The following KIRREL1 variants were observed in gnomAD, a reference collection of about 807,000 sequenced individuals.
KIRREL1 encodes the protein kin of IRRE-like protein 1.
A neutral mutation model predicts 83.3 loss-of-function variants in KIRREL1; 25 were observed. The observed-to-expected ratio is 0.30, with a 90% CI of 0.22 to 0.42. KIRREL1 has a LOEUF of 0.42. KIRREL1 is among the 10% of genes least tolerant of loss of function. The pLI is 1.00. For missense variants in KIRREL1, 812 were observed against 1,032.3 expected (o/e 0.79, Z 2.92); for synonymous variants, 388 against 410.4 (o/e 0.95, Z 0.66).
chr1:158,001,265 G>A (rs1467533819), intron 1 of KIRREL1, among the ~76,000 whole-genome samples: 1 of 152,218 alleles, frequency 6.6e-6, no homozygotes, highest in Non-Finnish European at 1.5e-5. Context: ...GTGTTGCAAA[G>A]TGAATAATGT....
chr1:158,015,897 CTCT>C (rs1659812406), intron 1 of KIRREL1, among the ~76,000 whole-genome samples: 1 of 152,132 alleles, frequency 6.6e-6, no homozygotes, highest in Non-Finnish European at 1.5e-5. Flanking sequence ...CTAGTTTCTT[CTCT>C]TATTTTTAAT....
Position 158,084,546 on chromosome 1 carries a change from C to T in KIRREL1, c.477C>T (p.Asp159=), listed in dbSNP as rs546719871. The change falls in exon 4 of 15, where the codon GAC becomes GAT. Residue 159 remains aspartate (D), a synonymous_variant. Transcript: ENST00000359209. ...CTGCCACCATCATCTGGTTCCGGGA[C>T]GGGACGCAGCAGGAGGGCGCTGTGG... The part of the protein sequence containing the change: ...KPAATIIWFR[D]GTQQEGAVAS... 299 of 1,551,764 alleles carry T rather than the reference C, an allele frequency of 1.9e-4. No homozygotes were observed. The African/African-American group carries it at 2.8e-3, about 15-fold the overall frequency.
chr1:158,095,423 G>T lies in KIRREL1; in HGVS notation c.*303G>T, dbSNP rs1298426420. ...GTGAAGGTTAGGGAAAGCAGAGGGG[G>T]GCACTTTTTAGCATTCCCTTTCTAT... is the stretch of plus-strand genomic sequence containing the variant. On this transcript the variant is annotated 3_prime_UTR_variant, in exon 15 of 15. Transcript: ENST00000359209. 6.4e-6 allele frequency: 2 copies of T among 310,646 alleles called. No homozygotes were observed. The highest frequency in any genetic ancestry group is 1.2e-5 in the Non-Finnish European group (2 of 169,624). 19.2% of individuals were successfully genotyped at this position (310,646 alleles called of 1,614,324 possible).
intron 1 of KIRREL1, among the ~76,000 whole-genome samples, chr1:158,063,866 C>T (rs902259381): frequency 6.6e-6 from 1 of 152,198 alleles, no homozygotes; most frequent in African/African-American, 2.4e-5. Flanking sequence ...GCCGCTGTCG[C>T]ACTGTATGGA....
At chr1:158,018,723 T>TAA (rs1286590263) in intron 1 of KIRREL1, among the ~76,000 whole-genome samples, 2 of 151,382 alleles carry the variant, frequency 1.3e-5, no homozygotes, top group African/African-American at 4.9e-5. Context: ...AGGGGAAGGG[T>TAA]AAAGAGGGGG....
chr1:158,084,587 C>T lies in KIRREL1; in HGVS notation c.510+8C>T. On this transcript the variant is annotated splice_region_variant and intron_variant, in intron 4 of 14. Coordinates refer to ENST00000359209, the MANE Select transcript of KIRREL1 (RefSeq NM_018240.7). ...GGCGCTGTGGCCAGCACGGTGAGCTCCAGCCAGCTCCCCCAGCTCCTCCTG... is the reference window on the plus strand; with the variant it reads ...GGCGCTGTGGCCAGCACGGTGAGCTTCAGCCAGCTCCCCCAGCTCCTCCTG... 1 of 1,551,062 alleles carries T rather than the reference C, an allele frequency of 6.4e-7. No individual in the cohort carries two copies. Among genetic ancestry groups the T allele is most frequent in the Non-Finnish European group, 8.7e-7 (1 of 1,146,598 alleles).
chr1:158,094,787 T>C lies in KIRREL1; in HGVS notation c.1941T>C (p.Tyr647=), dbSNP rs766557225. 1 of 1,614,030 alleles carries C rather than the reference T, an allele frequency of 6.2e-7. No individual in the cohort carries two copies. The highest frequency in any genetic ancestry group is 1.1e-5 in the South Asian group (1 of 91,084). The change falls in exon 15 of 15, where the codon TAT becomes TAC. Residue 647 remains tyrosine, a synonymous_variant. Transcript: ENST00000359209. The surrounding 1 kb of genome is among the most constrained non-coding windows in gnomAD (Gnocchi z 4.6). The part of the protein sequence containing the change: ...PSSRLSHSSG[Y]AQLNTYSRGP... ...CCCGTCTCTCCCACTCCAGCGGCTA[T>C]GCCCAGCTCAACACCTATAGCCGGG...
At chr1:158,029,381 A>G (rs1185605695) in intron 1 of KIRREL1, among the ~76,000 whole-genome samples, 7 of 16,680 alleles carry the variant, frequency 4.2e-4, no homozygotes, top group Non-Finnish European at 9.9e-4. Context: ...GTGCGCGCGC[A>G]TGCACACATG....
Position 158,078,003 on chromosome 1 carries a change from A to C in KIRREL1, c.215A>C (p.Tyr72Ser), listed in dbSNP as rs1233331203. Residue 72 changes from tyrosine (Y) to serine (S), a missense_variant, in exon 3 of 15, where the codon TAC (tyrosine) becomes TCC (serine). This residue lies in a region of KIRREL1 where 472 missense variants were observed against 626.8 expected (regional missense o/e 0.75). Transcript: ENST00000359209. ...MGQGLKAWPR[Y>S]RVVGSADAGQ... ...TCTGTTTCTGCAGCCTGGCCACGGTACCGGGTTGTGGGCTCCGCAGACGCT... is the reference window on the plus strand; with the variant it reads ...TCTGTTTCTGCAGCCTGGCCACGGTCCCGGGTTGTGGGCTCCGCAGACGCT... 1 of 1,613,968 alleles carries C rather than the reference A, an allele frequency of 6.2e-7. No homozygotes were observed. The highest frequency in any genetic ancestry group is 8.5e-7 in the Non-Finnish European group (1 of 1,180,018).
chr1:158,054,268 T>C (rs1024513910), intron 1 of KIRREL1, among the ~76,000 whole-genome samples: 2 of 148,320 alleles, frequency 1.3e-5, no homozygotes, highest in African/African-American at 2.5e-5. Context: ...GGGGATGGGT[T>C]GAGACTGAGG....
intron 1 of KIRREL1, among the ~76,000 whole-genome samples, chr1:158,055,193 C>T (rs1293360967): frequency 6.6e-6 from 1 of 151,890 alleles, no homozygotes; most frequent in Non-Finnish European, 1.5e-5. Flanking sequence ...TCTTGGCCCA[C>T]CTGAAGAAGG....
intron 1 of KIRREL1, among the ~76,000 whole-genome samples, chr1:158,057,606 G>C (rs1452054706): frequency 6.6e-6 from 1 of 152,112 alleles, no homozygotes; most frequent in Non-Finnish European, 1.5e-5. Context: ...GATGATCTGA[G>C]GAAAAGAAAA....
chr1:157,999,134 T>G (rs1442817253), intron 1 of KIRREL1, among the ~76,000 whole-genome samples: 1 of 152,148 alleles, frequency 6.6e-6, no homozygotes, highest in Non-Finnish European at 1.5e-5. Context: ...GGTGCCTCAC[T>G]CAGCTCAGCC....
At chr1:158,008,667 A>G (rs565726037) in intron 1 of KIRREL1, among the ~76,000 whole-genome samples, 1 of 152,144 alleles carries the variant, frequency 6.6e-6, no homozygotes, top group African/African-American at 2.4e-5. Context: ...ACTCAGTAGT[A>G]GGATCAGATG....
At chr1:158,050,879 A>G (rs911790749) in intron 1 of KIRREL1, among the ~76,000 whole-genome samples, 2 of 152,134 alleles carry the variant, frequency 1.3e-5, no homozygotes, top group Non-Finnish European at 2.9e-5. Flanking sequence ...GCAGTCAGAT[A>G]TTTGCTCTAA....
intron 1 of KIRREL1, among the ~76,000 whole-genome samples, chr1:157,997,465 T>TGG (rs979176218): frequency 2.9e-4 from 30 of 102,220 alleles, no homozygotes; most frequent in East Asian, 1.3e-3. Flanking sequence ...TGATTCTTTG[T>TGG]GGGGTGTGTG....
Position 158,095,607 on chromosome 1 carries a change from G to A in KIRREL1, c.*487G>A, listed in dbSNP as rs1272500113. On this transcript the variant is annotated 3_prime_UTR_variant, in exon 15 of 15. Coordinates refer to ENST00000359209, the MANE Select transcript of KIRREL1 (RefSeq NM_018240.7). ...CTCTGTTGTCTGCATTCGTGCCCTGGGTGCCTCTCTCCTTCCTCAGGGTAC... is the reference window on the plus strand; with the variant it reads ...CTCTGTTGTCTGCATTCGTGCCCTGAGTGCCTCTCTCCTTCCTCAGGGTAC... 2 of 154,580 alleles carry A rather than the reference G, an allele frequency of 1.3e-5. No individual in the cohort carries two copies. The highest frequency in any genetic ancestry group is 2.4e-5 in the African/African-American group (1 of 41,472). 9.6% of individuals were successfully genotyped at this position (154,580 alleles called of 1,614,324 possible).
At chr1:158,049,223 A>G (rs774079816) in intron 1 of KIRREL1, among the ~76,000 whole-genome samples, 2 of 152,246 alleles carry the variant, frequency 1.3e-5, no homozygotes, top group Non-Finnish European at 2.9e-5. Context: ...AATGAATTTA[A>G]AAAGTAGTGC....
chr1:158,033,878 C>T (rs911888099), intron 1 of KIRREL1, among the ~76,000 whole-genome samples: 1 of 151,858 alleles, frequency 6.6e-6, no homozygotes, highest in Non-Finnish European at 1.5e-5. Flanking sequence ...TACTGGGGGG[C>T]TGAGGCAGGA....
Sources: gnomAD v4.1 joint callset for allele counts (sites outside exome capture counted in the v4.1 genomes callset) on GRCh38, gnomAD v4.1.1 for gene constraint, gnomAD v4.1.1 regional missense constraint, Gnocchi (gnomAD v3.1) non-coding constraint, MANE v1.5 for transcripts, NCBI Gene and HGNC (gene_info 2026-07-23, HGNC 2026-07-21) for gene names.